The following RBFOX1 variants were observed in gnomAD, a reference collection of about 807,000 sequenced individuals.
RBFOX1 encodes RNA binding fox-1 homolog 1, also known as RNA binding protein fox-1 homolog 1.
A neutral mutation model predicts 57.7 loss-of-function variants in RBFOX1; 8 were observed. The ratio of observed to expected loss-of-function variants is 0.14; its 90% CI spans 0.08 to 0.25. The LOEUF is 0.25. Among genes scored for constraint, RBFOX1 ranks in the 10% least tolerant of loss-of-function variants. The pLI is 1.00. For missense variants in RBFOX1, 611 were observed against 548.5 expected (o/e 1.11, Z -1.14); for synonymous variants, 326 against 222.4 (o/e 1.47, Z -4.15).
intron 4 of RBFOX1, among the ~76,000 whole-genome samples, chr16:5,924,016 A>C (rs1035686358): frequency 1.6e-4 from 24 of 152,154 alleles, no homozygotes; most frequent in African/African-American, 5.6e-4. Flanking sequence ...TAATTGGCTC[A>C]TGGGGGTAGT....
chr16:7,662,632 G>A (rs1174274794), intron 12 of RBFOX1, among the ~76,000 whole-genome samples: 1 of 152,186 alleles, frequency 6.6e-6, no homozygotes, highest in Non-Finnish European at 1.5e-5. Flanking sequence ...CCTTTAATGT[G>A]AGGCAGAAAT....
chr16:7,017,938 G>A (rs977451036), intron 3 of RBFOX1, among the ~76,000 whole-genome samples: 5 of 152,096 alleles, frequency 3.3e-5, no homozygotes, highest in Admixed American at 2.0e-4. Flanking sequence ...GCAAACTGTC[G>A]GCGACGTGTG....
At chr16:5,757,702 C>A (rs531067540) in intron 3 of RBFOX1, among the ~76,000 whole-genome samples, 3 of 152,100 alleles carry the variant, frequency 2.0e-5, no homozygotes, top group Admixed American at 6.5e-5. Context: ...TTAATTCTTA[C>A]AACAGTGCTA....
At chr16:7,628,674 G>A (rs926474037) in intron 10 of RBFOX1, among the ~76,000 whole-genome samples, 8 of 152,006 alleles carry the variant, frequency 5.3e-5, no homozygotes, top group African/African-American at 1.2e-4. Flanking sequence ...GTGTAATGGC[G>A]TGATCTCGGC....
Position 5,954,676 on chromosome 16 carries a change from C to G in RBFOX1, c.351+87341C>G, listed in dbSNP as rs564257470. On this transcript the variant is annotated intron_variant, in intron 4 of 19. Transcript: ENST00000641259. The stretch of plus-strand genomic sequence containing the variant: ...TTGGCAGAGCAGTCAGTAATCACCC[C>G]TTAACTCTCGGCAAGCATCTGATCG... 7.2e-5 allele frequency among the ~76,000 whole-genome samples: 11 copies of G among 152,118 alleles called. No homozygotes were observed. The East Asian group carries it at 2.1e-3, about 29-fold the overall frequency.
chr16:7,614,256 A>C (rs575614015), intron 10 of RBFOX1: 1 of 152,238 alleles, frequency 6.6e-6, no homozygotes, highest in Non-Finnish European at 1.5e-5. Context: ...AAGGATTTTC[A>C]GCCTGGAAAT....
At chr16:5,556,482 C>G (rs183728950) in intron 2 of RBFOX1, among the ~76,000 whole-genome samples, 240 of 152,280 alleles carry the variant, frequency 1.6e-3, no homozygotes, top group Non-Finnish European at 2.8e-3. Context: ...TTATCTTTTC[C>G]CCCCGCTTTT....
intron 3 of RBFOX1, among the ~76,000 whole-genome samples, chr16:6,983,218 C>G (rs1055683775): frequency 6.6e-6 from 1 of 152,032 alleles, no homozygotes; most frequent in Non-Finnish European, 1.5e-5. Context: ...ACTCTGTCAC[C>G]CGCTTTATCC....
chr16:7,584,783 T>C (rs1386297228), intron 6 of RBFOX1, among the ~76,000 whole-genome samples: 1 of 152,236 alleles, frequency 6.6e-6, no homozygotes, highest in Non-Finnish European at 1.5e-5. Flanking sequence ...CTGTTGATAC[T>C]ATAAATATAG....
intron 4 of RBFOX1, among the ~76,000 whole-genome samples, chr16:7,450,239 C>A (rs937191797): frequency 6.6e-6 from 1 of 151,682 alleles, no homozygotes; most frequent in Non-Finnish European, 1.5e-5. Context: ...AATAAAAATA[C>A]AAAAATTAGC....
Position 6,174,048 on chromosome 16 carries a change from T to C in RBFOX1, c.-126-142947T>C, listed in dbSNP as rs190270043. Among the ~76,000 whole-genome samples the C allele has an allele frequency of 1.2e-4, 19 of 152,286 alleles. No individual in the cohort carries two copies. The East Asian group carries it at 3.7e-3, about 29-fold the overall frequency. Reference sequence around the variant, plus strand: ...CTGTAGTAGCAGACTCCCAAGACACTGCATATACTTTTTTATTCCCTTGAG... The same window carrying C: ...CTGTAGTAGCAGACTCCCAAGACACCGCATATACTTTTTTATTCCCTTGAG... On this transcript the variant is annotated intron_variant, in intron 1 of 15. Transcript: ENST00000550418.
At chr16:6,975,982 C>T (rs777151976) in intron 3 of RBFOX1, among the ~76,000 whole-genome samples, 1 of 151,948 alleles carries the variant, frequency 6.6e-6, no homozygotes, top group Non-Finnish European at 1.5e-5. Context: ...CAAAAATTAG[C>T]CAGGCATGGT....
At chr16:5,977,529 C>T (rs776610941) in intron 4 of RBFOX1, among the ~76,000 whole-genome samples, 14 of 152,162 alleles carry the variant, frequency 9.2e-5, no homozygotes, top group Admixed American at 2.0e-4. Context: ...GGCGATGCTT[C>T]GGTTTCCATG....
intron 14 of RBFOX1, among the ~76,000 whole-genome samples, chr16:7,697,809 G>C (rs1210799380): frequency 6.6e-6 from 1 of 152,160 alleles, no homozygotes. Context: ...TTGCTCCTAT[G>C]AAACTAGTAT....
chr16:7,100,001 T>G (rs1291744826), intron 4 of RBFOX1, among the ~76,000 whole-genome samples: 1 of 151,974 alleles, frequency 6.6e-6, no homozygotes. Context: ...TCTGAACCAG[T>G]CTTTCAGGTT....
At chr16:6,950,952 C>G (rs1228681660) in intron 3 of RBFOX1, among the ~76,000 whole-genome samples, 1 of 151,740 alleles carries the variant, frequency 6.6e-6, no homozygotes. Context: ...GTTTCTCAGG[C>G]TGGAGTGCAG....
At chr16:6,662,184 C>T (rs776596960) in intron 3 of RBFOX1, among the ~76,000 whole-genome samples, 1 of 151,932 alleles carries the variant, frequency 6.6e-6, no homozygotes, top group East Asian at 1.9e-4. Flanking sequence ...CCCTCATCAT[C>T]AGATTAAGTT....
intron 2 of RBFOX1, among the ~76,000 whole-genome samples, chr16:6,327,841 G>A (rs2082553764): frequency 1.3e-5 from 2 of 152,130 alleles, no homozygotes; most frequent in Non-Finnish European, 2.9e-5. Flanking sequence ...AGGAAATGAG[G>A]GGTCTAATGG....
chr16:7,449,584 C>T (rs1272533230), intron 4 of RBFOX1, among the ~76,000 whole-genome samples: 1 of 152,070 alleles, frequency 6.6e-6, no homozygotes, highest in Non-Finnish European at 1.5e-5. Flanking sequence ...TCTTTAACCT[C>T]GTTAGACTTG....
Sources: allele counts gnomAD v4.1 joint callset (sites outside exome capture counted in the v4.1 genomes callset), GRCh38; gene constraint gnomAD v4.1.1; transcripts MANE v1.5; gene names NCBI Gene and HGNC (gene_info 2026-07-23, HGNC 2026-07-21).